Variants in MARCHF6 observed in about 807,000 individuals in gnomAD.
The protein encoded by MARCHF6 is E3 ubiquitin-protein ligase MARCHF6.
MARCHF6 carries 31 observed loss-of-function variants against 133.7 expected under a neutral mutation model. That is an observed-to-expected ratio of 0.23 (90% CI 0.17 to 0.31). The LOEUF is 0.31. Among genes scored for constraint, MARCHF6 ranks in the 10% least tolerant of loss-of-function variants. MARCHF6 has a pLI of 1.00. For missense variants in MARCHF6, 723 were observed against 1,121.6 expected (o/e 0.64, Z 5.08); for synonymous variants, 395 against 402.5 (o/e 0.98, Z 0.22).
intron 10 of MARCHF6, among the ~76,000 whole-genome samples, chr5:10,397,765 A>G (rs962840568): frequency 1.3e-5 from 2 of 152,188 alleles, no homozygotes; most frequent in Admixed American, 1.3e-4. Context: ...AGCTGAGTGT[A>G]GGCTTGTGGG....
chr5:10,353,724 C>G lies in MARCHF6; in HGVS notation c.-175C>G, dbSNP rs1278736141. The G allele has an allele frequency of 6.0e-6, 2 of 333,608 alleles. No individual in the cohort carries two copies. Among genetic ancestry groups the G allele is most frequent in the East Asian group, 7.9e-5 (1 of 12,718 alleles). The allele number at this position is 333,608 out of a possible 1,614,324, so 20.7% of individuals were successfully genotyped here. ...CCGCCCCTCCCCCTCCCGTGTCGCT[C>G]GCTTTCTGTCAGCCTCTCTCCCTCT... On this transcript the variant is annotated 5_prime_UTR_variant, in exon 1 of 26. Transcript: ENST00000274140.
chr5:10,403,340 G>A, intron 14 of MARCHF6, 67 bp from the exon 15 acceptor site: 1 of 1,479,332 alleles, frequency 6.8e-7, no homozygotes, highest in East Asian at 2.3e-5. Context: ...TTTCCTAGAA[G>A]ATGAAAATGT....
rs199671008 is a variant in MARCHF6, at chr5:10,428,427, C to T, written c.2507-1466C>T. On this transcript the variant is annotated intron_variant, in intron 24 of 25. Transcript: ENST00000274140. ...TGCAGTCTCGGCTCGCTGCAACCTC[C>T]ACCTCCTGGGTTCAAGCGATTTTCC... is the stretch of plus-strand genomic sequence containing the variant. 3.3e-5 allele frequency among the ~76,000 whole-genome samples: 5 copies of T among 149,282 alleles called. No homozygotes were observed. The East Asian group carries it at 9.9e-4, about 30-fold the overall frequency.
chr5:10,356,338 T>TTTTA, intron 1 of MARCHF6, among the ~76,000 whole-genome samples: 10 of 145,702 alleles, frequency 6.9e-5, no homozygotes, highest in African/African-American at 1.7e-4. Flanking sequence ...GTGGTTCTGT[T>TTTTA]TTTTATTTAT....
At chr5:10,373,348 TG>T (rs1436968994) in intron 1 of MARCHF6, among the ~76,000 whole-genome samples, 11 of 152,156 alleles carry the variant, frequency 7.2e-5, no homozygotes, top group Non-Finnish European at 1.3e-4. Flanking sequence ...CCACTCCACC[TG>T]TCCTGTTCCA....
At chr5:10,400,919 G>T in intron 11 of MARCHF6, 77 bp downstream of exon 11, 2 of 1,140,032 alleles carry the variant, frequency 1.8e-6, no homozygotes, top group Non-Finnish European at 1.3e-6. Flanking sequence ...GTATTCTAAA[G>T]AGTTACATCA....
chr5:10,353,933 G>GCGGCGCCCGAGCCCTTGCGT lies in MARCHF6; in HGVS notation c.19+26_19+45dup, dbSNP rs758775996. ...GCGGAGGAAGGTAAGTCGGCGACGC[G>GCGGCGCCCGAGCCCTTGCGT]CGGCGCCCGAGCCCTTGCGTCGGCG... On this transcript the variant is annotated intron_variant, in intron 1 of 25. Transcript: ENST00000274140. The GCGGCGCCCGAGCCCTTGCGT allele has an allele frequency of 9.0e-6, 14 of 1,549,194 alleles. No individual in the cohort carries two copies. The highest frequency in any genetic ancestry group is 1.7e-4 in the Middle Eastern group (1 of 5,836).
At chr5:10,407,440 T>A (rs992713158) in intron 17 of MARCHF6, among the ~76,000 whole-genome samples, 8 of 152,192 alleles carry the variant, frequency 5.3e-5, no homozygotes, top group African/African-American at 1.9e-4. Flanking sequence ...CAGATAAACA[T>A]TAGTACTTAC....
chr5:10,390,514 C>A lies in MARCHF6; in HGVS notation c.576+14C>A. On this transcript the variant is annotated intron_variant, in intron 6 of 25. Coordinates refer to ENST00000274140, the MANE Select transcript of MARCHF6 (RefSeq NM_005885.4). ...CACCAAAATGAGGTAACTCCCCTAC[C>A]CCAAAATTGATTTTACTTAGGTAGG... 2 of 1,608,326 alleles carry A rather than the reference C, an allele frequency of 1.2e-6. No homozygotes were observed. Among genetic ancestry groups the A allele is most frequent in the Non-Finnish European group, 8.5e-7 (1 of 1,177,484 alleles).
At chr5:10,428,795 T>C (rs927192711) in intron 24 of MARCHF6, among the ~76,000 whole-genome samples, 1 of 152,220 alleles carries the variant, frequency 6.6e-6, no homozygotes, top group Non-Finnish European at 1.5e-5. Flanking sequence ...GTATATAGAC[T>C]TAAGAATTTG....
intron 24 of MARCHF6, among the ~76,000 whole-genome samples, chr5:10,427,534 A>G (rs1392279846): frequency 6.6e-6 from 1 of 152,156 alleles, no homozygotes; most frequent in Non-Finnish European, 1.5e-5. Context: ...TCAAACACAC[A>G]ATGTCCTCTC....
Position 10,426,425 on chromosome 5 carries a change from C to A in MARCHF6, c.2409C>A (p.His803Gln), listed in dbSNP as rs1465565807. 1.2e-6 allele frequency: 2 copies of A among 1,613,972 alleles called. No homozygotes were observed. The highest frequency in any genetic ancestry group is 1.7e-6 in the Non-Finnish European group (2 of 1,180,004). The change falls in exon 24 of 26, where the codon CAC (histidine) becomes CAA (glutamine). Residue 803 changes from histidine (H) to glutamine (Q), a missense_variant. Around this residue, in one of 4 missense-constraint regions of MARCHF6, gnomAD observed 492 missense variants for 699.5 expected, o/e 0.70. Transcript: ENST00000274140. The stretch of plus-strand genomic sequence containing the variant: ...ATGGCATCCGGAACATTGACCTTCA[C>A]TATATTGTTCGTAAACTGGCAGCTC... ...YANGIRNIDL[H>Q]YIVRKLAAPV...
chr5:10,430,119 C>A, intron 25 of MARCHF6, 91 bp downstream of exon 25: 1 of 1,415,152 alleles, frequency 7.1e-7, no homozygotes, highest in South Asian at 1.3e-5. Flanking sequence ...GGGAAACATG[C>A]TCAGATTCTG....
Position 10,440,135 on chromosome 5 carries a change from G to T in MARCHF6, c.*6451G>T, listed in dbSNP as rs565331163. The T allele has an allele frequency of 2.6e-5, 4 of 152,280 alleles. No homozygotes were observed. Among genetic ancestry groups the T allele is most frequent in the Admixed American group, 6.5e-5 (1 of 15,302 alleles). 9.4% of individuals were successfully genotyped at this position (152,280 alleles called of 1,614,324 possible). A position where few individuals can be genotyped will look rare whatever the true frequency, so the allele number is the denominator to read the frequency against. Reference sequence around the variant, plus strand: ...TTCCCACTTGAATGTAAGCTCCAAAGATTTTATTTTTTTAAACTGAATTAT... The same window carrying T: ...TTCCCACTTGAATGTAAGCTCCAAATATTTTATTTTTTTAAACTGAATTAT... On this transcript the variant is annotated 3_prime_UTR_variant, in exon 26 of 26. Coordinates refer to ENST00000274140, the MANE Select transcript of MARCHF6 (RefSeq NM_005885.4).
At chr5:10,356,930 T>C (rs1020852017) in intron 1 of MARCHF6, among the ~76,000 whole-genome samples, 10 of 152,238 alleles carry the variant, frequency 6.6e-5, no homozygotes, top group Non-Finnish European at 1.2e-4. Flanking sequence ...TTTAAAGATC[T>C]CTAAAGTTTC....
At chr5:10,385,945 A>G (rs551698988) in intron 4 of MARCHF6, among the ~76,000 whole-genome samples, 2 of 152,122 alleles carry the variant, frequency 1.3e-5, no homozygotes, top group South Asian at 4.1e-4. Context: ...ATTACATCAC[A>G]CGATACATAT....
chr5:10,383,757 A>G (rs945166330), intron 4 of MARCHF6, among the ~76,000 whole-genome samples: 8 of 152,238 alleles, frequency 5.3e-5, no homozygotes, highest in African/African-American at 1.9e-4. Flanking sequence ...AGTGTTTCAT[A>G]TAGCTAAGTC....
intron 1 of MARCHF6, among the ~76,000 whole-genome samples, chr5:10,369,122 T>C (rs1385244111): frequency 6.6e-6 from 1 of 152,232 alleles, no homozygotes; most frequent in African/African-American, 2.4e-5. Flanking sequence ...TCATTGGCTT[T>C]CAGACACTTC....
At chr5:10,391,126 A>C (rs1246925282) in intron 6 of MARCHF6, among the ~76,000 whole-genome samples, 3 of 152,100 alleles carry the variant, frequency 2.0e-5, no homozygotes, top group African/African-American at 4.8e-5. Context: ...TTTGTTTTCT[A>C]GTTTTTTGTT....
Sources: gnomAD v4.1 joint callset for allele counts (sites outside exome capture counted in the v4.1 genomes callset) on GRCh38, gnomAD v4.1.1 for gene constraint, gnomAD v4.1.1 regional missense constraint, MANE v1.5 for transcripts, NCBI Gene and HGNC (gene_info 2026-07-23, HGNC 2026-07-21) for gene names.